Variants in ACACA observed in about 807,000 individuals in gnomAD.
The protein encoded by ACACA is acetyl-CoA carboxylase 1.
Under a neutral mutation model 296.1 loss-of-function variants are expected in ACACA, and 103 were observed. That is an observed-to-expected ratio of 0.35 (90% CI 0.30 to 0.41). The LOEUF is 0.41. Among genes scored for constraint, ACACA ranks in the 10% least tolerant of loss-of-function variants. The probability of loss-of-function intolerance (pLI) is 1.00; values close to 1 mark genes in which losing one functional copy is unlikely to be tolerated. For synonymous variants in ACACA, 953 were observed against 1,038.6 expected (o/e 0.92, Z 1.58); for missense variants, 1,554 against 2,989.7 (o/e 0.52, Z 11.20).
At chr17:37,106,031 T>C (rs1296517758) in intron 52 of ACACA, among the ~76,000 whole-genome samples, 1 of 151,816 alleles carries the variant, frequency 6.6e-6, no homozygotes, top group Non-Finnish European at 1.5e-5. Flanking sequence ...AAAATCAGCA[T>C]AAAAAAGACT....
intron 41 of ACACA, 33 bp downstream of exon 41, chr17:37,179,227 A>G (rs980662578): frequency 6.2e-6 from 10 of 1,613,832 alleles, no homozygotes; most frequent in Non-Finnish European, 8.5e-6. Flanking sequence ...GGGCACAGAG[A>G]TAAGAAAGGG....
intron 35 of ACACA, among the ~76,000 whole-genome samples, chr17:37,193,694 G>A (rs555340602): frequency 1.3e-5 from 2 of 152,024 alleles, no homozygotes; most frequent in Non-Finnish European, 2.9e-5. Context: ...TCTCCCAAGT[G>A]AAAAAAATTT....
chr17:37,235,413 G>A (rs1337543234), intron 24 of ACACA, among the ~76,000 whole-genome samples: 1 of 151,920 alleles, frequency 6.6e-6, no homozygotes, highest in South Asian at 2.1e-4. Flanking sequence ...TTGGGGAGGT[G>A]GGTGTACCTT....
intron 26 of ACACA, among the ~76,000 whole-genome samples, chr17:37,225,911 C>T (rs1009731376): frequency 1.3e-5 from 2 of 152,156 alleles, no homozygotes. Context: ...TGATTGCTGC[C>T]GCCTAAGATT....
chr17:37,343,588 A>C (rs1000848639), intron 1 of ACACA, among the ~76,000 whole-genome samples: 2 of 151,952 alleles, frequency 1.3e-5, no homozygotes, highest in Non-Finnish European at 2.9e-5. Flanking sequence ...AAGATGGTGA[A>C]ACCCCATCTC....
rs1418595909 is a variant in ACACA at position 37,095,632 on chromosome 17, T to TA, written c.6891+1363dup. 2.5e-4 allele frequency among the ~76,000 whole-genome samples: 38 copies of TA among 152,262 alleles called. No homozygotes were observed. In the Middle Eastern group the frequency reaches 0.01, roughly 41 times the overall value. ...CACCAGCCACCCAGCCCTCCATCAA[T>TA]ACTCTAACCTGGTAGTCACCAAATG... On this transcript the variant is annotated intron_variant, in intron 54 of 55. Coordinates refer to ENST00000616317, the MANE Select transcript of ACACA (RefSeq NM_198834.3).
chr17:37,303,532 G>A (rs768952729), intron 3 of ACACA, among the ~76,000 whole-genome samples: 1 of 152,170 alleles, frequency 6.6e-6, no homozygotes, highest in African/African-American at 2.4e-5. Context: ...CAGATCATAT[G>A]GTTCATATGG....
intron 43 of ACACA, among the ~76,000 whole-genome samples, chr17:37,152,790 T>G (rs2076096007): frequency 6.6e-6 from 1 of 152,222 alleles, no homozygotes; most frequent in Admixed American, 6.5e-5. Flanking sequence ...GGGCACAGTT[T>G]TATAAATTGA....
chr17:37,405,535 G>A (rs2051449434), intron 1 of ACACA, among the ~76,000 whole-genome samples: 1 of 152,136 alleles, frequency 6.6e-6, no homozygotes, highest in Non-Finnish European at 1.5e-5. Flanking sequence ...TTAACCTGGT[G>A]GGAGGTGGTT....
chr17:37,301,270 A>G (rs1426226925), intron 3 of ACACA: 1 of 684,858 alleles, frequency 1.5e-6, no homozygotes, highest in Non-Finnish European at 1.8e-6. Flanking sequence ...TGCTGCTCAC[A>G]ATCTTTCTCT....
chr17:37,313,920 A>G (rs574647113), intron 3 of ACACA, among the ~76,000 whole-genome samples: 1 of 152,290 alleles, frequency 6.6e-6, no homozygotes, highest in South Asian at 2.1e-4. Context: ...TTATTACAGC[A>G]CTATTCACAA....
At chr17:37,091,834 C>T (rs546255448) in intron 54 of ACACA, among the ~76,000 whole-genome samples, 5 of 152,076 alleles carry the variant, frequency 3.3e-5, no homozygotes, top group East Asian at 2.0e-4. Flanking sequence ...CCTTGGCCTC[C>T]CAAAGTGCTG....
At chr17:37,272,131 G>A (rs1436681293) in intron 9 of ACACA, among the ~76,000 whole-genome samples, 2 of 152,124 alleles carry the variant, frequency 1.3e-5, no homozygotes, top group Non-Finnish European at 2.9e-5. Context: ...ATCACTTGAG[G>A]TCAGGAGTTG....
intron 45 of ACACA, among the ~76,000 whole-genome samples, chr17:37,146,623 C>T (rs779734629): frequency 7.9e-6 from 1 of 127,248 alleles, no homozygotes; most frequent in Non-Finnish European, 1.6e-5. Context: ...TTATTTCCAC[C>T]GGAGCTGCAG....
intron 1 of ACACA, among the ~76,000 whole-genome samples, chr17:37,377,163 TTATTTAATACAAGAAAGA>T (rs2050037735): frequency 6.6e-6 from 1 of 151,986 alleles, no homozygotes; most frequent in South Asian, 2.1e-4. Context: ...TCCAAAAGCT[TTATTTAATACAAGAAAGA>T]AGACAGAATA....
At chr17:37,213,946 T>C (rs1424100983) in intron 29 of ACACA, among the ~76,000 whole-genome samples, 1 of 152,116 alleles carries the variant, frequency 6.6e-6, no homozygotes, top group African/African-American at 2.4e-5. Flanking sequence ...TATAAATCTT[T>C]TATCATATAA....
Position 37,201,383 on chromosome 17 carries a change from G to A in ACACA, c.4057-900C>T, listed in dbSNP as rs111547979. The stretch of plus-strand genomic sequence containing the variant: ...TTGAACCAAGGAGGCAGAGGTTGCC[G>A]AGATTGCATCACTGTACTCCAGCCT... On this transcript the variant is annotated intron_variant, in intron 33 of 55. Transcript: ENST00000616317. 7.2e-3 allele frequency among the ~76,000 whole-genome samples: 1,095 copies of A among 151,976 alleles called. 5 individuals are homozygous for A. The highest frequency in any genetic ancestry group is 0.023 in the African/African-American group (953 of 41,448).
At chr17:37,160,064 G>A (rs2076400588) in intron 42 of ACACA, among the ~76,000 whole-genome samples, 1 of 152,220 alleles carries the variant, frequency 6.6e-6, no homozygotes, top group African/African-American at 2.4e-5. Flanking sequence ...AAGGGTGCAA[G>A]CTCAAGTGAA....
chr17:37,377,051 A>T (rs1279095026), intron 1 of ACACA, among the ~76,000 whole-genome samples: 1 of 152,242 alleles, frequency 6.6e-6, no homozygotes, highest in Non-Finnish European at 1.5e-5. Flanking sequence ...CAAATTATAA[A>T]AATGTCACAA....
Sources: gnomAD v4.1 joint callset for allele counts (sites outside exome capture counted in the v4.1 genomes callset) on GRCh38, gnomAD v4.1.1 for gene constraint, MANE v1.5 for transcripts, NCBI Gene and HGNC (gene_info 2026-07-23, HGNC 2026-07-21) for gene names.